The following NTM variants were observed in gnomAD, a reference collection of about 807,000 sequenced individuals.
NTM encodes the protein neurotrimin.
Under a neutral mutation model 42.1 loss-of-function variants are expected in NTM, and 13 were observed. The ratio of observed to expected loss-of-function variants is 0.31; its 90% CI spans 0.20 to 0.49. The LOEUF is 0.49. Ranked by LOEUF, NTM falls within the 20% of genes least tolerant of loss-of-function variation. The pLI is 0.99. For missense variants in NTM, 373 were observed against 452.8 expected, an observed-to-expected ratio of 0.82 and a Z score of 1.60; for synonymous variants, 187 against 179.2, an observed-to-expected ratio of 1.04 and a Z score of -0.35.
At chr11:131,875,992 G>C (rs997211267) in intron 1 of NTM, among the ~76,000 whole-genome samples, 1 of 152,170 alleles carries the variant, frequency 6.6e-6, no homozygotes, top group African/African-American at 2.4e-5. Flanking sequence ...GCCCAGGAGT[G>C]ACACTCAACA....
chr11:132,165,585 GTAGTAGA>G (rs2075142869), intron 3 of NTM, among the ~76,000 whole-genome samples: 1 of 152,164 alleles, frequency 6.6e-6, no homozygotes, highest in Non-Finnish European at 1.5e-5. Flanking sequence ...ACAATCTTAG[GTAGTAGA>G]TATGAGTGTG....
At chr11:131,458,898 C>T (rs544059355) in intron 1 of NTM, among the ~76,000 whole-genome samples, 1 of 152,370 alleles carries the variant, frequency 6.6e-6, no homozygotes, top group South Asian at 2.1e-4. Flanking sequence ...ACATTTCTAA[C>T]AAGGTCCTAA....
chr11:132,048,195 G>A (rs2135880675), intron 2 of NTM, among the ~76,000 whole-genome samples: 1 of 152,132 alleles, frequency 6.6e-6, no homozygotes, highest in African/African-American at 2.4e-5. Flanking sequence ...CAATCCCTGG[G>A]GATCCTCTCT....
chr11:131,789,557 AAGAAGAAGAAG>A (rs2090305482), intron 1 of NTM, among the ~76,000 whole-genome samples: 2 of 19,534 alleles, frequency 1.0e-4, no homozygotes, highest in Non-Finnish European at 1.8e-4. Flanking sequence ...AAAGAAGAAG[AAGAAGAAGAAG>A]AAGAAGAAGA....
At chr11:132,170,667 C>A (rs2075989947) in intron 3 of NTM, among the ~76,000 whole-genome samples, 1 of 152,146 alleles carries the variant, frequency 6.6e-6, no homozygotes, top group African/African-American at 2.4e-5. Context: ...TTTCTCAGAG[C>A]TCCAGCTTTC....
intron 1 of NTM, among the ~76,000 whole-genome samples, chr11:131,611,211 G>A (rs2061437502): frequency 6.6e-6 from 1 of 152,186 alleles, no homozygotes; most frequent in Non-Finnish European, 1.5e-5. Context: ...AAAAAAATGT[G>A]AGTCAGGAAG....
rs1277699242 is a variant in NTM, at chr11:131,789,912, C to T, written c.83-121652C>T. ...CGGAGCTTGCAGTGAGCCGAGATCG[C>T]GCCACTGCACTCCAGCCTGGGCGAC... On this transcript the variant is annotated intron_variant, in intron 1 of 8. Transcript: ENST00000683400. 1.2e-4 allele frequency among the ~76,000 whole-genome samples: 17 copies of T among 140,166 alleles called. No individual in the cohort carries two copies. In the South Asian group the frequency reaches 1.8e-3, roughly 15 times the overall value. The allele number at this position is 140,166 out of a possible 152,430, so 92.0% of individuals were successfully genotyped here.
intron 2 of NTM, among the ~76,000 whole-genome samples, chr11:131,989,249 A>T (rs939225260): frequency 2.6e-5 from 4 of 152,218 alleles, no homozygotes; most frequent in Admixed American, 2.6e-4. Flanking sequence ...CTAATTAACA[A>T]ATTAGTATCA....
intron 1 of NTM, among the ~76,000 whole-genome samples, chr11:131,550,961 G>A (rs2054584498): frequency 6.6e-6 from 1 of 152,162 alleles, no homozygotes; most frequent in African/African-American, 2.4e-5. Context: ...GGCTGTGGAT[G>A]AGCCTAGATG....
chr11:132,140,883 G>A (rs956866506), intron 2 of NTM: 1 of 152,220 alleles, frequency 6.6e-6, no homozygotes, highest in Non-Finnish European at 1.5e-5. Context: ...GGCAGCTGGA[G>A]CATTTCTGTG....
intron 1 of NTM, among the ~76,000 whole-genome samples, chr11:131,462,957 A>T (rs536227928): frequency 4.3e-4 from 64 of 149,682 alleles, no homozygotes; most frequent in Non-Finnish European, 7.8e-4. Context: ...TCATGAAAAA[A>T]AAAAAAAGAA....
intron 1 of NTM, among the ~76,000 whole-genome samples, chr11:131,596,694 G>C (rs1344027081): frequency 1.3e-5 from 2 of 152,242 alleles, no homozygotes; most frequent in Non-Finnish European, 2.9e-5. Context: ...CCGTGTCCCT[G>C]TCTGGAGCCC....
chr11:131,799,635 TGAG>T (rs1034713134), intron 1 of NTM, among the ~76,000 whole-genome samples: 22 of 152,016 alleles, frequency 1.4e-4, no homozygotes, highest in African/African-American at 4.6e-4. Flanking sequence ...CCACCAGAAT[TGAG>T]GAGGCAGGTT....
intron 2 of NTM, among the ~76,000 whole-genome samples, chr11:132,139,890 C>T (rs939304245): frequency 6.6e-6 from 1 of 152,042 alleles, no homozygotes; most frequent in East Asian, 1.9e-4. Flanking sequence ...TCTGTAGAGA[C>T]ACAAGTGAAA....
At chr11:131,955,289 G>A (rs1026398233) in intron 2 of NTM, among the ~76,000 whole-genome samples, 59 of 152,048 alleles carry the variant, frequency 3.9e-4, no homozygotes, top group Admixed American at 5.9e-4. Context: ...TTTAAACTGC[G>A]TTGCCTGGAA....
At chr11:132,266,430 A>G (rs1345356554) in intron 4 of NTM, among the ~76,000 whole-genome samples, 2 of 152,178 alleles carry the variant, frequency 1.3e-5, no homozygotes, top group Non-Finnish European at 2.9e-5. Context: ...GAGCCCTGCT[A>G]AGATTGCTGC....
chr11:132,064,032 A>C (rs969827235), intron 2 of NTM, among the ~76,000 whole-genome samples: 3 of 152,118 alleles, frequency 2.0e-5, no homozygotes, highest in African/African-American at 4.8e-5. Context: ...CTAACTCAAC[A>C]AGGGAAAGTG....
intron 4 of NTM, among the ~76,000 whole-genome samples, chr11:132,250,005 A>G (rs1293920463): frequency 6.6e-6 from 1 of 152,102 alleles, no homozygotes; most frequent in Non-Finnish European, 1.5e-5. Flanking sequence ...TAGACCTTAC[A>G]TCTGGGATTA....
intron 2 of NTM, among the ~76,000 whole-genome samples, chr11:132,063,777 A>C (rs1404035910): frequency 6.6e-6 from 1 of 152,244 alleles, no homozygotes; most frequent in African/African-American, 2.4e-5. Flanking sequence ...GAGAGGGAAC[A>C]CAATTAGGAA....
Sources: allele counts gnomAD v4.1 joint callset (sites outside exome capture counted in the v4.1 genomes callset), GRCh38; gene constraint gnomAD v4.1.1; transcripts MANE v1.5; gene names NCBI Gene and HGNC (gene_info 2026-07-23, HGNC 2026-07-21).